TBL1X: variants seen among roughly 807,000 people sequenced by gnomAD.
The protein encoded by TBL1X is F-box-like/WD repeat-containing protein TBL1X.
In TBL1X, 10 loss-of-function variants were observed where a neutral mutation model predicts 50.7. That is an observed-to-expected ratio of 0.20 (90% CI 0.12 to 0.33). The LOEUF (loss-of-function observed/expected upper bound fraction) is 0.33, where lower values mean the gene tolerates loss of function less well. Ranked by LOEUF, TBL1X falls within the 10% of genes least tolerant of loss-of-function variation. The pLI is 1.00. For missense variants in TBL1X, 340 were observed against 504.4 expected (o/e 0.67, Z 3.12); for synonymous variants, 190 against 214.7 (o/e 0.88, Z 1.01).
chrX:9,686,097 C>G (rs1341702261), intron 6 of TBL1X, among the ~76,000 whole-genome samples: 4 of 111,417 alleles, frequency 3.6e-5, no homozygotes, highest in Non-Finnish European at 5.7e-5. Context: ...TTTTTCCTCT[C>G]TTGTGCTCCT....
chrX:9,499,410 G>A (rs1471805017), intron 1 of TBL1X, among the ~76,000 whole-genome samples: 1 of 112,117 alleles, frequency 8.9e-6, no homozygotes, highest in African/African-American at 3.2e-5. Flanking sequence ...CCCTGGTAAT[G>A]GAAGTTACTC....
chrX:9,520,283 C>A (rs1218800692), intron 2 of TBL1X, among the ~76,000 whole-genome samples: 4 of 111,997 alleles, frequency 3.6e-5, no homozygotes, highest in Non-Finnish European at 7.5e-5. Context: ...CCTCCTCTTC[C>A]AGAATAAGTA....
At chrX:9,530,337 C>T (rs1391788628) in intron 2 of TBL1X, among the ~76,000 whole-genome samples, 1 of 112,292 alleles carries the variant, frequency 8.9e-6, no homozygotes, top group East Asian at 2.8e-4. Flanking sequence ...TTTTTTCCTT[C>T]TGTATTCAAG....
intron 2 of TBL1X, among the ~76,000 whole-genome samples, chrX:9,516,075 C>T (rs766853173): frequency 9.0e-6 from 1 of 111,153 alleles, no homozygotes; most frequent in South Asian, 3.8e-4. Context: ...TTCCTGTAAT[C>T]TAGTGTGGTC....
intron 5 of TBL1X, among the ~76,000 whole-genome samples, chrX:9,679,875 C>T (rs2083015448): frequency 8.9e-6 from 1 of 112,197 alleles, no homozygotes; most frequent in Non-Finnish European, 1.9e-5. Context: ...AGTGGTCAAG[C>T]AGCCTCTAGT....
chrX:9,663,956 T>A (rs1009169083), intron 5 of TBL1X, among the ~76,000 whole-genome samples: 2 of 108,225 alleles, frequency 1.8e-5, no homozygotes, highest in African/African-American at 6.8e-5. Context: ...GTTTGGTACC[T>A]TGACCAGAGA....
At chrX:9,611,091 T>G (rs1175605575) in intron 2 of TBL1X, among the ~76,000 whole-genome samples, 1 of 104,891 alleles carries the variant, frequency 9.5e-6, no homozygotes, top group African/African-American at 3.5e-5. Flanking sequence ...AGGAGTCCTC[T>G]TCATGCTACA....
intron 2 of TBL1X, among the ~76,000 whole-genome samples, chrX:9,601,755 T>C (rs1353150441): frequency 2.7e-5 from 3 of 111,884 alleles, no homozygotes; most frequent in Non-Finnish European, 5.6e-5. Context: ...ATATTGACAC[T>C]ATTGACACTA....
At chrX:9,495,248 G>T (rs781146504) in intron 1 of TBL1X, among the ~76,000 whole-genome samples, 2 of 111,748 alleles carry the variant, frequency 1.8e-5, no homozygotes, top group East Asian at 5.7e-4. Flanking sequence ...TATCCTACAA[G>T]TATGTAGCCC....
intron 2 of TBL1X, among the ~76,000 whole-genome samples, chrX:9,554,442 A>G (rs925299046): frequency 8.0e-5 from 9 of 112,556 alleles, no homozygotes; most frequent in Non-Finnish European, 1.3e-4. Flanking sequence ...TTATGTACAA[A>G]TATGACTTGA....
At chrX:9,642,724 A>C (rs1238524852) in intron 3 of TBL1X, among the ~76,000 whole-genome samples, 1 of 112,408 alleles carries the variant, frequency 8.9e-6, no homozygotes, top group African/African-American at 3.2e-5. Flanking sequence ...CCCGATAGTT[A>C]GGGGCTTAGG....
At chrX:9,590,382 CAG>C (rs1433196534) in intron 2 of TBL1X, among the ~76,000 whole-genome samples, 4 of 83,893 alleles carry the variant, frequency 4.8e-5, no homozygotes, top group East Asian at 5.3e-4. Flanking sequence ...TTAAAAAAGT[CAG>C]ATGAAAACAC....
intron 2 of TBL1X, among the ~76,000 whole-genome samples, chrX:9,509,629 G>A (rs976241345): frequency 9.3e-6 from 1 of 107,534 alleles, no homozygotes; most frequent in Non-Finnish European, 1.9e-5. Context: ...GGGATTACAG[G>A]CACACGCCAC....
chrX:9,594,097 T>A (rs2082516047), intron 2 of TBL1X, among the ~76,000 whole-genome samples: 1 of 112,677 alleles, frequency 8.9e-6, no homozygotes, highest in African/African-American at 3.2e-5. Context: ...TGGCAGACAG[T>A]TATTTGAGGA....
At chrX:9,641,638 A>C (rs770246446) in intron 3 of TBL1X, among the ~76,000 whole-genome samples, 48 of 112,846 alleles carry the variant, frequency 4.3e-4, no homozygotes, top group Middle Eastern at 4.2e-3. Flanking sequence ...TGTTTTAACA[A>C]GTTAAATATG....
At chrX:9,595,878 C>A (rs1057331547) in intron 2 of TBL1X, among the ~76,000 whole-genome samples, 1 of 112,124 alleles carries the variant, frequency 8.9e-6, no homozygotes, top group Non-Finnish European at 1.9e-5. Flanking sequence ...AAATAATATA[C>A]CATGAAATGA....
At chrX:9,564,974 T>TA (rs1045539366) in intron 2 of TBL1X, among the ~76,000 whole-genome samples, 10 of 107,563 alleles carry the variant, frequency 9.3e-5, no homozygotes, top group Middle Eastern at 4.5e-3. Flanking sequence ...AAAAGTATAC[T>TA]AAAAAAAAAT....
At chrX:9,580,441 A>G (rs1373752131) in intron 2 of TBL1X, among the ~76,000 whole-genome samples, 2 of 112,052 alleles carry the variant, frequency 1.8e-5, no homozygotes, top group East Asian at 5.6e-4. Flanking sequence ...TTGTATTCTT[A>G]CGAGTTTCTG....
chrX:9,520,455 G>GGGGGAGT (rs1420227151), intron 2 of TBL1X, among the ~76,000 whole-genome samples: 1 of 111,232 alleles, frequency 9.0e-6, no homozygotes, highest in Non-Finnish European at 1.9e-5. Context: ...GATGGGAGGA[G>GGGGGAGT]GGGGAGTTCC....
Sources: gnomAD v4.1 joint callset for allele counts (sites outside exome capture counted in the v4.1 genomes callset) on GRCh38, gnomAD v4.1.1 for gene constraint, MANE v1.5 for transcripts, NCBI Gene and HGNC (gene_info 2026-07-23, HGNC 2026-07-21) for gene names.